ADAMTS17: variants seen among roughly 807,000 people sequenced by gnomAD.
ADAMTS17 encodes the protein A disintegrin and metalloproteinase with thrombospondin motifs 17.
In ADAMTS17, 113 loss-of-function variants were observed where a neutral mutation model predicts 141.5. That is an observed-to-expected ratio of 0.80 (90% CI 0.69 to 0.93). The LOEUF is 0.93. ADAMTS17 is among the 40% of genes least tolerant of loss of function. ADAMTS17 has a pLI of 0.00. For missense variants in ADAMTS17, 1,659 were observed against 1,517.9 expected (o/e 1.09, Z -1.54); for synonymous variants, 768 against 630.6 (o/e 1.22, Z -3.27).
At chr15:100,161,356 T>C (rs758352824) in intron 8 of ADAMTS17, among the ~76,000 whole-genome samples, 2 of 152,166 alleles carry the variant, frequency 1.3e-5, no homozygotes, top group African/African-American at 4.8e-5. Context: ...GGGATTTTGA[T>C]GTCAGGTGTA....
intron 13 of ADAMTS17, among the ~76,000 whole-genome samples, chr15:100,110,995 G>A (rs908463780): frequency 8.5e-5 from 13 of 152,300 alleles, no homozygotes; most frequent in Admixed American, 6.5e-4. Context: ...GTCTTACAGC[G>A]CTGGAAAGAA....
At chr15:100,237,547 C>A (rs1184382930) in intron 7 of ADAMTS17, among the ~76,000 whole-genome samples, 1 of 152,224 alleles carries the variant, frequency 6.6e-6, no homozygotes, top group African/African-American at 2.4e-5. Context: ...ACTCGATGGG[C>A]AAGCCTCACA....
At chr15:100,196,699 C>T (rs933641995) in intron 8 of ADAMTS17, among the ~76,000 whole-genome samples, 3 of 152,332 alleles carry the variant, frequency 2.0e-5, no homozygotes, top group Admixed American at 6.5e-5. Context: ...ATCAGCTTTC[C>T]GGTTTCGTGT....
chr15:100,206,188 T>G (rs1047603573), intron 7 of ADAMTS17, among the ~76,000 whole-genome samples: 1 of 152,198 alleles, frequency 6.6e-6, no homozygotes, highest in Non-Finnish European at 1.5e-5. Flanking sequence ...GGCCTCTGCA[T>G]GTACTCCCTG....
intron 3 of ADAMTS17, among the ~76,000 whole-genome samples, chr15:100,320,816 G>T (rs1426355853): frequency 6.6e-6 from 1 of 152,118 alleles, no homozygotes; most frequent in Non-Finnish European, 1.5e-5. Context: ...ATGGGAGACA[G>T]AGCAAGACTC....
intron 15 of ADAMTS17, among the ~76,000 whole-genome samples, chr15:100,086,559 C>T (rs1398897059): frequency 1.3e-5 from 2 of 152,186 alleles, no homozygotes; most frequent in Non-Finnish European, 2.9e-5. Context: ...CTCAGCACCA[C>T]ACCACACTTA....
intron 7 of ADAMTS17, among the ~76,000 whole-genome samples, chr15:100,243,791 A>C (rs1321063065): frequency 1.2e-5 from 1 of 82,372 alleles, no homozygotes; most frequent in African/African-American, 4.6e-5. Context: ...CTCCATCTTA[A>C]AAAAAAAAAA....
intron 10 of ADAMTS17, among the ~76,000 whole-genome samples, chr15:100,134,127 A>G (rs1435120447): frequency 2.6e-5 from 4 of 152,196 alleles, no homozygotes; most frequent in Admixed American, 6.5e-5. Context: ...CAGTGACCTC[A>G]ACCATAAGAG....
chr15:100,294,298 A>C (rs1596466284), intron 3 of ADAMTS17, among the ~76,000 whole-genome samples: 1 of 152,152 alleles, frequency 6.6e-6, no homozygotes, highest in African/African-American at 2.4e-5. Flanking sequence ...GAATGGTCAT[A>C]TTCTCCAGCT....
At chr15:99,976,498 G>A (rs2060334195) in intron 20 of ADAMTS17, 2 of 585,402 alleles carry the variant, frequency 3.4e-6, no homozygotes, top group Admixed American at 3.0e-5. Flanking sequence ...ATCATTCAGG[G>A]CAAAAACAGC....
At chr15:100,045,442 TA>T (rs2031609831) in intron 18 of ADAMTS17, among the ~76,000 whole-genome samples, 1 of 152,206 alleles carries the variant, frequency 6.6e-6, no homozygotes, top group Non-Finnish European at 1.5e-5. Context: ...AGTAGGCAGC[TA>T]ATTTGGCTGG....
intron 15 of ADAMTS17, among the ~76,000 whole-genome samples, chr15:100,083,571 T>C (rs1179265809): frequency 6.6e-6 from 1 of 152,090 alleles, no homozygotes; most frequent in African/African-American, 2.4e-5. Flanking sequence ...TTTAGCAGTG[T>C]CCTTCAGCCT....
intron 10 of ADAMTS17, among the ~76,000 whole-genome samples, chr15:100,142,589 A>G (rs1005524844): frequency 2.6e-5 from 4 of 152,178 alleles, no homozygotes; most frequent in African/African-American, 9.7e-5. Context: ...ACAATGATGG[A>G]TAAGTAGAGT....
chr15:100,133,634 G>A (rs1361701046), intron 10 of ADAMTS17, among the ~76,000 whole-genome samples: 2 of 152,134 alleles, frequency 1.3e-5, no homozygotes, highest in Non-Finnish European at 2.9e-5. Context: ...CTGCCTCCCA[G>A]GAGTGATGAG....
chr15:100,087,781 T>G (rs1273208862), intron 15 of ADAMTS17, among the ~76,000 whole-genome samples: 2 of 152,146 alleles, frequency 1.3e-5, no homozygotes, highest in African/African-American at 4.8e-5. Flanking sequence ...TCTGACAAAA[T>G]TCAGCAATGC....
In ADAMTS17 at chr15:100,268,909, T is replaced by C. The variant is rs748492880; in HGVS notation, c.790-6474A>G. 3.2e-4 allele frequency among the ~76,000 whole-genome samples: 49 copies of C among 152,028 alleles called. 1 individual carries two copies. On this transcript the variant is annotated intron_variant, in intron 4 of 21. Coordinates refer to ENST00000268070, the MANE Select transcript of ADAMTS17 (RefSeq NM_139057.4). ...AGAAGGTTACAGTAACCAAAAAACATAGCACTTATACAAAAACAAGACACA... is the reference window on the plus strand; with the variant it reads ...AGAAGGTTACAGTAACCAAAAAACACAGCACTTATACAAAAACAAGACACA...
intron 10 of ADAMTS17, among the ~76,000 whole-genome samples, chr15:100,135,409 G>A (rs553844572): frequency 1.9e-3 from 284 of 151,554 alleles, no homozygotes; most frequent in African/African-American, 6.3e-3. Flanking sequence ...TCAGCCTTCC[G>A]AGTAGCTGGG....
At chr15:100,102,333 CGACCGA>C (rs2036152395) in intron 14 of ADAMTS17, among the ~76,000 whole-genome samples, 2 of 149,364 alleles carry the variant, frequency 1.3e-5, no homozygotes, top group African/African-American at 4.9e-5. Flanking sequence ...ATTTGAGGGC[CGACCGA>C]AGGGGATCTA....
intron 8 of ADAMTS17, among the ~76,000 whole-genome samples, chr15:100,160,688 C>T (rs1220995631): frequency 1.3e-5 from 2 of 152,214 alleles, no homozygotes; most frequent in Admixed American, 6.5e-5. Flanking sequence ...TTCACTCTGC[C>T]GGCCGAGAGG....
Sources: allele counts gnomAD v4.1 joint callset (sites outside exome capture counted in the v4.1 genomes callset), GRCh38; gene constraint gnomAD v4.1.1; transcripts MANE v1.5; gene names NCBI Gene and HGNC (gene_info 2026-07-23, HGNC 2026-07-21).